The following ADAM18 variants were observed in gnomAD, a reference collection of about 807,000 sequenced individuals.
ADAM18 encodes the protein disintegrin and metalloproteinase domain-containing protein 18.
A neutral mutation model predicts 94.4 loss-of-function variants in ADAM18; 117 were observed. The observed-to-expected ratio is 1.24, with a 90% CI of 1.07 to 1.45. The LOEUF is 1.45. Among genes scored for constraint, ADAM18 ranks in the 40% most tolerant of loss-of-function variants. The pLI, the probability that ADAM18 is intolerant of heterozygous loss-of-function variation, is 0.00. For synonymous variants in ADAM18, 327 were observed against 291.6 expected (o/e 1.12, Z -1.24); for missense variants, 936 against 880.0 (o/e 1.06, Z -0.81).
At chr8:39,670,354 C>G (rs891964775) in intron 14 of ADAM18, among the ~76,000 whole-genome samples, 6 of 152,022 alleles carry the variant, frequency 3.9e-5, no homozygotes, top group Non-Finnish European at 2.9e-5. Context: ...TTGTTCATCC[C>G]CTAATTCATT....
At chr8:39,654,282 C>T (rs748343710) in intron 12 of ADAM18, among the ~76,000 whole-genome samples, 8 of 151,100 alleles carry the variant, frequency 5.3e-5, no homozygotes, top group African/African-American at 9.9e-5. Flanking sequence ...CTCAGCCTCC[C>T]GAGTAGCTGG....
intron 18 of ADAM18, among the ~76,000 whole-genome samples, chr8:39,711,176 CT>C (rs1457141343): frequency 6.6e-6 from 1 of 152,150 alleles, no homozygotes; most frequent in African/African-American, 2.4e-5. Flanking sequence ...ACTTCAGTGA[CT>C]ACAAAGCCAA....
Position 39,610,712 on chromosome 8 carries a change from T to G in ADAM18, c.522+6T>G, listed in dbSNP as rs372919027. 75 of 1,611,498 alleles carry G rather than the reference T, an allele frequency of 4.7e-5. No homozygotes were observed. The highest frequency in any genetic ancestry group is 8.0e-5 in the African/African-American group (6 of 74,862). On this transcript the variant is annotated splice_donor_region_variant and intron_variant, in intron 6 of 19. Coordinates refer to ENST00000265707, the MANE Select transcript of ADAM18 (RefSeq NM_014237.3). ...AAGTTCCTTTAAACTCACAGGTGAC[T>G]GTCATCATTCTGATGTTATGACATA...
At position 39,639,987 on chromosome 8, in the gene ADAM18, G is replaced by T. The variant is rs149340647; in HGVS notation, c.909+1441G>T. Among the ~76,000 whole-genome samples the T allele has an allele frequency of 3.9e-5, 6 of 152,138 alleles. 1 individual carries two copies. The East Asian group carries it at 1.2e-3, about 29-fold the overall frequency. On this transcript the variant is annotated intron_variant, in intron 10 of 19. Coordinates refer to ENST00000265707, the MANE Select transcript of ADAM18 (RefSeq NM_014237.3). ...CAAAGAAAAATGGGAAGTAAATTGT[G>T]TGAAAGTTATATGATAGACAAAATT...
intron 16 of ADAM18, among the ~76,000 whole-genome samples, chr8:39,689,956 G>A (rs142325025): frequency 6.6e-5 from 10 of 152,210 alleles, no homozygotes; most frequent in Admixed American, 1.3e-4. Context: ...GTGTGTGTGC[G>A]GCAGCTGTGA....
At chr8:39,714,224 G>A (rs1020611755) in intron 18 of ADAM18, among the ~76,000 whole-genome samples, 8 of 152,306 alleles carry the variant, frequency 5.3e-5, no homozygotes, top group African/African-American at 1.9e-4. Context: ...TCACTCATAG[G>A]TGGGAAGTGA....
chr8:39,642,369 T>C (rs975238071), intron 10 of ADAM18, among the ~76,000 whole-genome samples: 2 of 152,156 alleles, frequency 1.3e-5, no homozygotes, highest in African/African-American at 4.8e-5. Context: ...CTAGCTTGTC[T>C]TCCAGGGATT....
At chr8:39,728,335 G>A (rs1822979631) in intron 19 of ADAM18, among the ~76,000 whole-genome samples, 1 of 152,032 alleles carries the variant, frequency 6.6e-6, no homozygotes, top group African/African-American at 2.4e-5. Context: ...TAATGAACAT[G>A]TATTTCCTGT....
At chr8:39,592,674 G>GACAGA (rs1166076986) in intron 2 of ADAM18, among the ~76,000 whole-genome samples, 10 of 152,070 alleles carry the variant, frequency 6.6e-5, no homozygotes, top group Non-Finnish European at 1.3e-4. Flanking sequence ...GAAGAAAATA[G>GACAGA]ACTCTGGGGA....
intron 6 of ADAM18, chr8:39,611,124 T>C (rs905456136): frequency 1.0e-6 from 1 of 986,384 alleles, no homozygotes; most frequent in Non-Finnish European, 1.2e-6. Context: ...AGACTAGGTA[T>C]AGAATTCTTG....
chr8:39,692,578 A>AT (rs1197333130), intron 16 of ADAM18, 22 bp from the exon 17 acceptor site: 2 of 1,499,812 alleles, frequency 1.3e-6, no homozygotes, highest in Non-Finnish European at 1.8e-6. Flanking sequence ...GAATTGTAAA[A>AT]TTTTTGTTTG....
intron 14 of ADAM18, 34 bp downstream of exon 14, chr8:39,668,230 A>G: frequency 1.9e-6 from 3 of 1,600,318 alleles, no homozygotes; most frequent in Non-Finnish European, 1.7e-6. Flanking sequence ...ATTTTACCTT[A>G]CATTTGCATC....
intron 7 of ADAM18, among the ~76,000 whole-genome samples, chr8:39,631,232 GT>G (rs1819924041): frequency 6.6e-6 from 1 of 151,646 alleles, no homozygotes; most frequent in African/African-American, 2.4e-5. Context: ...TCCAATTTAT[GT>G]TTTCTTAATT....
intron 10 of ADAM18, among the ~76,000 whole-genome samples, chr8:39,645,002 G>A (rs963828038): frequency 2.6e-5 from 4 of 152,084 alleles, no homozygotes; most frequent in African/African-American, 9.7e-5. Flanking sequence ...TGACACATGA[G>A]TACACTGAAT....
intron 18 of ADAM18, among the ~76,000 whole-genome samples, chr8:39,716,451 A>G (rs543446660): frequency 6.6e-6 from 1 of 152,068 alleles, no homozygotes; most frequent in East Asian, 1.9e-4. Flanking sequence ...TTCTTCTTTG[A>G]CACAAAGATT....
chr8:39,725,045 T>C (rs1301227415), intron 19 of ADAM18, among the ~76,000 whole-genome samples: 1 of 152,004 alleles, frequency 6.6e-6, no homozygotes, highest in Non-Finnish European at 1.5e-5. Context: ...TATTTACTAT[T>C]GTGAATACCC....
rs533310026 is a variant in ADAM18, at chr8:39,618,614, C to T, written c.522+7908C>T. ...GAAACACGACGTGAAGCTAGACAAC[C>T]GGTTAGACCAGAAATTCTCAGAAGG... is the stretch of plus-strand genomic sequence containing the variant. On this transcript the variant is annotated intron_variant, in intron 6 of 19. Transcript: ENST00000265707. Among the ~76,000 whole-genome samples the T allele has an allele frequency of 1.9e-3, 282 of 152,218 alleles. 3 individuals are homozygous for T. The highest frequency in any genetic ancestry group is 2.6e-3 in the Non-Finnish European group (180 of 68,002).
At chr8:39,725,215 A>T (rs1822869771) in intron 19 of ADAM18, among the ~76,000 whole-genome samples, 1 of 152,042 alleles carries the variant, frequency 6.6e-6, no homozygotes, top group Non-Finnish European at 1.5e-5. Flanking sequence ...ATACATACTT[A>T]ATATATACAT....
At chr8:39,691,212 T>C (rs1053893492) in intron 16 of ADAM18, among the ~76,000 whole-genome samples, 5 of 152,172 alleles carry the variant, frequency 3.3e-5, no homozygotes, top group African/African-American at 1.2e-4. Flanking sequence ...CCTTAAAATA[T>C]GTACCATTTG....
Sources: gnomAD v4.1 joint callset for allele counts (sites outside exome capture counted in the v4.1 genomes callset) on GRCh38, gnomAD v4.1.1 for gene constraint, MANE v1.5 for transcripts, NCBI Gene and HGNC (gene_info 2026-07-23, HGNC 2026-07-21) for gene names.